RAPSN: variants seen among roughly 807,000 people sequenced by gnomAD.
RAPSN encodes the protein 43 kDa receptor-associated protein of the synapse.
In RAPSN, 33 loss-of-function variants were observed where a neutral mutation model predicts 45.7. The ratio of observed to expected loss-of-function variants is 0.72; its 90% CI spans 0.55 to 0.97. The LOEUF (loss-of-function observed/expected upper bound fraction) is 0.97. RAPSN is among the 50% of genes least tolerant of loss of function. The pLI, the probability that RAPSN is intolerant of heterozygous loss-of-function variation, is 0.00. For synonymous variants in RAPSN, 244 were observed against 233.6 expected, an observed-to-expected ratio of 1.04 and a Z score of -0.40; for missense variants, 519 against 559.4, an observed-to-expected ratio of 0.93 and a Z score of 0.73.
chr11:47,447,692 C>T (rs1303050486), intron 2 of RAPSN, 120 bp downstream of exon 2: 23 of 1,195,630 alleles, frequency 1.9e-5, no homozygotes, highest in African/African-American at 3.1e-5. Flanking sequence ...CTCTCTGATT[C>T]TCACTCTCCT....
chr11:47,438,848 C>G lies in RAPSN; in HGVS notation c.1050G>C (p.Val350=), dbSNP rs753196993. The G allele has an allele frequency of 5.1e-6, 8 of 1,571,890 alleles. No homozygotes were observed. In the African/African-American group the frequency reaches 1.1e-4, roughly 21 times the overall value. The change falls in exon 7 of 8, where the codon GTG becomes GTC. Residue 350 remains valine (V), a synonymous_variant. Coordinates refer to ENST00000298854, the MANE Select transcript of RAPSN (RefSeq NM_005055.5). ...GLQRELRAHV[V]RFHECVEETE... ...TCTCCTCCACGCACTCGTGGAACCT[C>G]ACAACGTGCGCCCGCAGTTCCCGCT...
chr11:47,448,664 A>G (rs1595903356), intron 1 of RAPSN, 109 bp downstream of exon 1: 1 of 1,404,070 alleles, frequency 7.1e-7, no homozygotes, highest in East Asian at 2.4e-5. Flanking sequence ...CCTGGCTGCC[A>G]GCCTGTGGGA....
At chr11:47,441,340 C>T in intron 5 of RAPSN, 128 bp from the exon 6 acceptor site, 1 of 1,303,434 alleles carries the variant, frequency 7.7e-7, no homozygotes, top group Non-Finnish European at 1.1e-6. Flanking sequence ...GTGAAGGCAG[C>T]AGGAAGAGAC....
At chr11:47,444,366 C>G (rs1381181713) in intron 2 of RAPSN, among the ~76,000 whole-genome samples, 1 of 151,904 alleles carries the variant, frequency 6.6e-6, no homozygotes, top group Non-Finnish European at 1.5e-5. Context: ...TGCAAGACCA[C>G]TGTCTCTACA....
chr11:47,448,759 C>T lies in RAPSN; in HGVS notation c.192+14G>A, dbSNP rs2076430771. The T allele has an allele frequency of 6.2e-7, 1 of 1,606,560 alleles. No homozygotes were observed. Among genetic ancestry groups the T allele is most frequent in the South Asian group, 1.1e-5 (1 of 91,080 alleles). ...AGCCTGACCCTCGAACGCCCCCAGG[C>T]CGGGTACACCCACCTTCAGCATCTC... On this transcript the variant is annotated intron_variant, in intron 1 of 7. Coordinates refer to ENST00000298854, the MANE Select transcript of RAPSN (RefSeq NM_005055.5).
Position 47,441,611 on chromosome 11 carries a change from CT to C in RAPSN, c.911del (p.Lys304ArgfsTer20). ...KCWVARKALDKALDAIERAQD... is the reference protein window; with the variant it reads ...KCWVARKALDXALDAIERAQD... ...GGCTGTGGGAAAGGCCCGACCTCAC[CT>C]TGTCCAGCGCCTTCCTGGCCACCCA... On this transcript the variant is annotated frameshift_variant and splice_region_variant, in exon 5 of 8. Transcript: ENST00000298854. LOFTEE classifies it high-confidence loss of function. 1 of 1,606,042 alleles carries C rather than the reference CT, an allele frequency of 6.2e-7. No homozygotes were observed.
chr11:47,439,121 C>T (rs2076340656), intron 6 of RAPSN, among the ~76,000 whole-genome samples, 190 bp from the exon 7 acceptor site: 1 of 152,214 alleles, frequency 6.6e-6, no homozygotes. Context: ...CCCCCCAGAA[C>T]TGCCTGGAGA....
At chr11:47,446,531 A>G (rs1331047385) in intron 2 of RAPSN, among the ~76,000 whole-genome samples, 3 of 152,120 alleles carry the variant, frequency 2.0e-5, no homozygotes, top group African/African-American at 7.2e-5. Flanking sequence ...TCCAAGATTT[A>G]TTAAGCATCT....
intron 6 of RAPSN, among the ~76,000 whole-genome samples, chr11:47,440,492 A>G (rs1276360020): frequency 6.6e-6 from 1 of 152,182 alleles, no homozygotes; most frequent in Non-Finnish European, 1.5e-5. Flanking sequence ...TCATGCCTGT[A>G]ATCCCAGCAC....
intron 1 of RAPSN, 35 bp downstream of exon 1, chr11:47,448,738 T>C: frequency 6.2e-7 from 1 of 1,602,378 alleles, no homozygotes; most frequent in Non-Finnish European, 8.5e-7. Flanking sequence ...GGCCCCAGCC[T>C]GACCCTCGAA....
intron 2 of RAPSN, 99 bp from the exon 3 acceptor site, chr11:47,442,913 A>G (rs1279313085): frequency 1.9e-6 from 3 of 1,575,056 alleles, no homozygotes; most frequent in Non-Finnish European, 1.7e-6. Flanking sequence ...AGGTAGGGGC[A>G]GGGGGCCCGA....
chr11:47,442,834 G>C lies in RAPSN; in HGVS notation c.532-20C>G. ...GTAGTCCTGCAGGGGACATGGAATG[G>C]AAGGAGGCAAACTGAGTGGCAGAGG... On this transcript the variant is annotated intron_variant, in intron 2 of 7. Coordinates refer to ENST00000298854, the MANE Select transcript of RAPSN (RefSeq NM_005055.5). 6.2e-7 allele frequency: 1 copy of C among 1,613,140 alleles called. No homozygotes were observed. Among genetic ancestry groups the C allele is most frequent in the Non-Finnish European group, 8.5e-7 (1 of 1,180,044 alleles).
At position 47,448,064 on chromosome 11, in the gene RAPSN, G is replaced by C. The variant is rs901210204; in HGVS notation, c.279C>G (p.Asn93Lys). 6.2e-7 allele frequency: 1 copy of C among 1,614,006 alleles called. No individual in the cohort carries two copies. Among genetic ancestry groups the C allele is most frequent in the Admixed American group, 1.7e-5 (1 of 60,014 alleles). Residue 93 changes from asparagine to lysine, a missense_variant, in exon 2 of 8, where the codon AAC becomes AAG. Physicochemically the swap from Asn to Lys is moderately conservative, Grantham distance 94. Coordinates refer to ENST00000298854, the MANE Select transcript of RAPSN (RefSeq NM_005055.5). ...TCTTGTGAAACTCGCACAGCTTCTC[G>C]TTGCTGCGTGCCAGGTTCAGGTAGC... ...LESYLNLARS[N>K]EKLCEFHKTI...
In RAPSN at chr11:47,441,159, C is replaced by G; in HGVS notation, c.966G>C (p.Lys322Asn). The part of the protein sequence containing the change: ...AQDLAEEVGN[K>N]LSQLKLHCLS... ...TCCAGGACACAGAATCAAGTCTGAC[C>G]TTGTTCCCCACCTCCTCGGCCAGAT... The change falls in exon 6 of 8, where the codon AAG becomes AAC. Residue 322 changes from lysine (K) to asparagine (N), a missense_variant and splice_region_variant. Transcript: ENST00000298854. 1.2e-6 allele frequency: 2 copies of G among 1,614,112 alleles called. No individual in the cohort carries two copies. The highest frequency in any genetic ancestry group is 2.7e-5 in the African/African-American group (2 of 75,046).
intron 1 of RAPSN, 59 bp from the exon 2 acceptor site, chr11:47,448,209 AGCCTGCACT>A: frequency 6.4e-7 from 1 of 1,567,726 alleles, no homozygotes. Context: ...CTTGGACCCC[AGCCTGCACT>A]GCAGGCTCAG....
In RAPSN at chr11:47,448,048, A is replaced by G. The variant is rs922043625; in HGVS notation, c.295T>C (p.Phe99Leu). ...LARSNEKLCE[F>L]HKTISYCKTC... ...TTGCAGTAGGAGATGGTCTTGTGAAACTCGCACAGCTTCTCGTTGCTGCGT... is the reference window on the plus strand; with the variant it reads ...TTGCAGTAGGAGATGGTCTTGTGAAGCTCGCACAGCTTCTCGTTGCTGCGT... The change falls in exon 2 of 8, where the codon TTT becomes CTT. Residue 99 changes from phenylalanine to leucine, a missense_variant. By Grantham distance (22) the Phe-to-Leu change is conservative. Transcript: ENST00000298854. The G allele has an allele frequency of 6.2e-7, 1 of 1,613,744 alleles. No individual in the cohort carries two copies. Among genetic ancestry groups the G allele is most frequent in the African/African-American group, 1.3e-5 (1 of 74,818 alleles).
chr11:47,448,023 TTGCAGTAGGAGATGGTCTTG>T lies in RAPSN; in HGVS notation c.300_319del (p.His100GlnfsTer51), dbSNP rs2153311290. ...GGTACCAGGCAGCCCAAGGCAGGTC[TTGCAGTAGGAGATGGTCTTG>T]TGAAACTCGCACAGCTTCTCGTTGC... On this transcript the variant is annotated frameshift_variant, in exon 2 of 8. Transcript: ENST00000298854. LOFTEE classifies it high-confidence loss of function. 1 of 1,614,010 alleles carries T rather than the reference TTGCAGTAGGAGATGGTCTTG, an allele frequency of 6.2e-7. No homozygotes were observed. Among genetic ancestry groups the T allele is most frequent in the Admixed American group, 1.7e-5 (1 of 60,012 alleles).
chr11:47,441,165 C>T lies in RAPSN; in HGVS notation c.960G>A (p.Gly320=), dbSNP rs145357531. The change falls in exon 6 of 8, where the codon GGG becomes GGA. Residue 320 remains glycine, a synonymous_variant. Transcript: ENST00000298854. The part of the protein sequence containing the change: ...ERAQDLAEEV[G]NKLSQLKLHC... Reference sequence around the variant, plus strand: ...ACACAGAATCAAGTCTGACCTTGTTCCCCACCTCCTCGGCCAGATCCTGGG... The same window carrying T: ...ACACAGAATCAAGTCTGACCTTGTTTCCCACCTCCTCGGCCAGATCCTGGG... 3.7e-4 allele frequency: 595 copies of T among 1,614,050 alleles called. 2 individuals carry two copies. In the African/African-American group the frequency reaches 7.4e-3, roughly 20 times the overall value.
chr11:47,441,544 C>T, intron 5 of RAPSN, 67 bp downstream of exon 5: 1 of 1,596,256 alleles, frequency 6.3e-7, no homozygotes. Context: ...AAAGAGCCGG[C>T]TAACCTACTG....
Sources: gnomAD v4.1 joint callset for allele counts (sites outside exome capture counted in the v4.1 genomes callset) on GRCh38, gnomAD v4.1.1 for gene constraint, MANE v1.5 for transcripts, NCBI Gene and HGNC (gene_info 2026-07-23, HGNC 2026-07-21) for gene names.